Variants in CPO observed in about 807,000 individuals in gnomAD.
CPO encodes metallocarboxypeptidase C.
Under a neutral mutation model 41.2 loss-of-function variants are expected in CPO, and 43 were observed. That is an observed-to-expected ratio of 1.04 (90% CI 0.82 to 1.35). The LOEUF is 1.35. CPO is among the 40% of genes most tolerant of loss of function. CPO has a pLI of 0.00. For synonymous variants in CPO, 178 were observed against 162.7 expected (o/e 1.09, Z -0.72); for missense variants, 408 against 451.7 (o/e 0.90, Z 0.88).
At chr2:206,964,529 G>C (rs558849339) in intron 7 of CPO, among the ~76,000 whole-genome samples, 1 of 152,128 alleles carries the variant, frequency 6.6e-6, no homozygotes, top group Admixed American at 6.5e-5. Context: ...GACTCCAGAG[G>C]CCACATTCAT....
chr2:206,960,508 T>C (rs1167747748), intron 5 of CPO, among the ~76,000 whole-genome samples: 1 of 152,204 alleles, frequency 6.6e-6, no homozygotes, highest in Non-Finnish European at 1.5e-5. Flanking sequence ...TCATCCTGTA[T>C]CACTTGAATG....
rs971062039 is a variant in CPO, at chr2:206,957,171, A to G, written c.268-1130A>G. Among the ~76,000 whole-genome samples, 4 of 152,150 alleles carry G rather than the reference A, an allele frequency of 2.6e-5. No homozygotes were observed. In the South Asian group the frequency reaches 8.3e-4, roughly 32 times the overall value. On this transcript the variant is annotated intron_variant, in intron 3 of 8. Coordinates refer to ENST00000272852, the MANE Select transcript of CPO (RefSeq NM_173077.3). ...GGCGGGTGGAACACGAGATCAGGAGATCAAGACCATCCTAGCTAACACGGT... is the reference window on the plus strand; with the variant it reads ...GGCGGGTGGAACACGAGATCAGGAGGTCAAGACCATCCTAGCTAACACGGT...
Position 206,951,443 on chromosome 2 carries a change from CAT to C in CPO, c.165+1731_165+1732del, listed in dbSNP as rs745411289. ...TAGAGTTGCTGGGTCAAAGAATACA[CAT>C]GTCTACATTTTTATATAAATGCACA... On this transcript the variant is annotated intron_variant, in intron 2 of 8. Coordinates refer to ENST00000272852, the MANE Select transcript of CPO (RefSeq NM_173077.3). Among the ~76,000 whole-genome samples, 28 of 152,304 alleles carry C rather than the reference CAT, an allele frequency of 1.8e-4. No individual in the cohort carries two copies. The East Asian group carries it at 4.1e-3, about 22-fold the overall frequency.
intron 6 of CPO, among the ~76,000 whole-genome samples, chr2:206,961,971 G>A (rs550035964): frequency 1.3e-5 from 2 of 151,494 alleles, no homozygotes; most frequent in Admixed American, 6.6e-5. Flanking sequence ...GTGGTGGCGG[G>A]TGCCTGTAGT....
chr2:206,967,269 G>A (rs1693590924), intron 7 of CPO, among the ~76,000 whole-genome samples: 1 of 151,768 alleles, frequency 6.6e-6, no homozygotes, highest in Non-Finnish European at 1.5e-5. Flanking sequence ...TCTCTGGAAA[G>A]GGGCTGCAGA....
chr2:206,966,728 G>A (rs562285308), intron 7 of CPO, among the ~76,000 whole-genome samples: 1 of 152,238 alleles, frequency 6.6e-6, no homozygotes, highest in South Asian at 2.1e-4. Flanking sequence ...AGTATTGAGT[G>A]GAGAGAAAGC....
intron 2 of CPO, among the ~76,000 whole-genome samples, chr2:206,953,374 G>A (rs541932412): frequency 6.6e-6 from 1 of 152,320 alleles, no homozygotes; most frequent in African/African-American, 2.4e-5. Flanking sequence ...CAAAAAAAAT[G>A]GCTAAAACAA....
intron 6 of CPO, 150 bp downstream of exon 6, chr2:206,961,092 A>G (rs1693470497): frequency 3.2e-6 from 2 of 634,340 alleles, no homozygotes; most frequent in Admixed American, 2.7e-5. Context: ...CTCTAACAGG[A>G]TAATATTATC....
chr2:206,944,396 A>G (rs1170519657), intron 1 of CPO, among the ~76,000 whole-genome samples: 1 of 152,012 alleles, frequency 6.6e-6, no homozygotes, highest in Admixed American at 6.6e-5. Flanking sequence ...TTGCACCAGT[A>G]TATATTTTTA....
intron 2 of CPO, among the ~76,000 whole-genome samples, chr2:206,951,893 G>A (rs1462931511): frequency 1.3e-5 from 2 of 152,178 alleles, no homozygotes; most frequent in Non-Finnish European, 2.9e-5. Flanking sequence ...GCTCTCTCAA[G>A]ACATAAGGCA....
chr2:206,944,872 A>C (rs1693114649), intron 1 of CPO, among the ~76,000 whole-genome samples: 1 of 152,108 alleles, frequency 6.6e-6, no homozygotes, highest in Non-Finnish European at 1.5e-5. Context: ...CATAGATATG[A>C]CTGGAACTTG....
intron 2 of CPO, among the ~76,000 whole-genome samples, chr2:206,952,636 A>C (rs950179767): frequency 9.2e-5 from 14 of 152,184 alleles, no homozygotes; most frequent in Non-Finnish European, 1.6e-4. Flanking sequence ...ATCAGCTGCT[A>C]TTCAGGTCTA....
At chr2:206,950,960 TAGG>T (rs979233329) in intron 2 of CPO, among the ~76,000 whole-genome samples, 2 of 152,070 alleles carry the variant, frequency 1.3e-5, no homozygotes, top group Admixed American at 1.3e-4. Flanking sequence ...GGGATAGCAT[TAGG>T]AGAAATACCT....
Position 206,959,666 on chromosome 2 carries a change from C to G in CPO, c.408C>G (p.Arg136=). 1 of 1,561,292 alleles carries G rather than the reference C, an allele frequency of 6.4e-7. No individual in the cohort carries two copies. ...LQNHKDNSSI[R]KLLRNLDFYV... ...ACCATAAAGACAACTCAAGTATACG[C>G]AAGCTCCTTAGGAACCTGGACTTCT... Residue 136 remains arginine, a synonymous_variant, in exon 5 of 9, where the codon CGC becomes CGG. Transcript: ENST00000272852.
intron 1 of CPO, among the ~76,000 whole-genome samples, chr2:206,940,672 C>G (rs967888645): frequency 6.6e-6 from 1 of 151,686 alleles, no homozygotes; most frequent in Non-Finnish European, 1.5e-5. Context: ...GTGTGTTTTT[C>G]CCTTGTTCAT....
chr2:206,953,566 C>A (rs745349990), intron 2 of CPO, among the ~76,000 whole-genome samples: 8 of 152,270 alleles, frequency 5.3e-5, no homozygotes, highest in Non-Finnish European at 1.0e-4. Flanking sequence ...CCACTCCTGG[C>A]TGCTTTCATA....
intron 1 of CPO, among the ~76,000 whole-genome samples, chr2:206,943,359 T>C (rs559751919): frequency 2.6e-3 from 392 of 151,642 alleles, no homozygotes; most frequent in Non-Finnish European, 4.0e-3. Flanking sequence ...GAGTGGGGGG[T>C]TGGGAGGAGT....
At chr2:206,968,204 T>G in intron 7 of CPO, 59 bp from the exon 8 acceptor site, 2 of 1,159,182 alleles carry the variant, frequency 1.7e-6, no homozygotes, top group Non-Finnish European at 2.6e-6. Flanking sequence ...CACCAAATGG[T>G]TGGATTGTTG....
At chr2:206,951,953 G>A (rs1318736702) in intron 2 of CPO, among the ~76,000 whole-genome samples, 1 of 152,088 alleles carries the variant, frequency 6.6e-6, no homozygotes, top group Non-Finnish European at 1.5e-5. Flanking sequence ...CTACCCATGT[G>A]GTAAGCTGTT....
Sources: gnomAD v4.1 joint callset for allele counts (sites outside exome capture counted in the v4.1 genomes callset) on GRCh38, gnomAD v4.1.1 for gene constraint, MANE v1.5 for transcripts, NCBI Gene and HGNC (gene_info 2026-07-23, HGNC 2026-07-21) for gene names.